BTG4: variants seen among roughly 807,000 people sequenced by gnomAD.
BTG4 encodes the protein protein BTG4.
In BTG4, 10 loss-of-function variants were observed where a neutral mutation model predicts 19.3. The observed-to-expected ratio is 0.52, with a 90% confidence interval of 0.32 to 0.88. The LOEUF is 0.88. Ranked by LOEUF, BTG4 falls within the 40% of genes least tolerant of loss-of-function variation. The probability of loss-of-function intolerance (pLI) is 0.04; values close to 1 mark genes in which losing one functional copy is unlikely to be tolerated. For missense variants in BTG4, 238 were observed against 281.9 expected (o/e 0.84, Z 1.11); for synonymous variants, 91 against 95.7 (o/e 0.95, Z 0.29).
the BTG4 span, chr11:111,456,512 C>T: frequency 4.4e-6 from 2 of 456,512 alleles, no homozygotes; most frequent in South Asian, 1.5e-5. The surrounding 1 kb of genome is among the most constrained non-coding windows in gnomAD (Gnocchi z 4.2). Flanking sequence ...TGCTTTCCTG[C>T]AGCCCCAGCA....
intron 1 of BTG4, among the ~76,000 whole-genome samples, chr11:111,501,239 CTG>C (rs1866058491): frequency 6.6e-6 from 1 of 152,112 alleles, no homozygotes; most frequent in Non-Finnish European, 1.5e-5. Context: ...TGGCATGTAC[CTG>C]TAGCCCTAGC....
chr11:111,456,799 G>C, the BTG4 span: 2 of 270,982 alleles, frequency 7.4e-6, no homozygotes, highest in South Asian at 7.5e-5. This position sits in a 1 kb window ranked among gnomAD's most constrained non-coding sequence, Gnocchi z 4.2. Flanking sequence ...GATGAGGCAG[G>C]GCTTGCTGGG....
At chr11:111,431,521 A>G in the BTG4 span, among the ~76,000 whole-genome samples, 3 of 152,260 alleles carry the variant, frequency 2.0e-5, no homozygotes, top group African/African-American at 7.2e-5. Context: ...AAACCTACTT[A>G]GGGAATAATA....
the BTG4 span, among the ~76,000 whole-genome samples, chr11:111,432,131 G>A: frequency 6.6e-6 from 1 of 152,178 alleles, no homozygotes; most frequent in Non-Finnish European, 1.5e-5. Flanking sequence ...CTTAATGTGT[G>A]TTCCTGGAGC....
chr11:111,467,891 T>A (rs1863815388), intron 5 of BTG4, among the ~76,000 whole-genome samples: 1 of 152,194 alleles, frequency 6.6e-6, no homozygotes, highest in Admixed American at 6.5e-5. Context: ...CTTTAATAGA[T>A]CTCTGTCATT....
the BTG4 span, chr11:111,455,786 G>A: frequency 8.8e-6 from 4 of 454,908 alleles, no homozygotes; most frequent in Admixed American, 9.4e-5. Flanking sequence ...ACGGTGCTGG[G>A]CCACCTGTCC....
intron 1 of BTG4, among the ~76,000 whole-genome samples, chr11:111,501,089 C>T (rs1866046573): frequency 6.6e-6 from 1 of 151,926 alleles, no homozygotes; most frequent in Admixed American, 6.6e-5. Context: ...TGTTCTTGAG[C>T]TGGGCAGATG....
intron 2 of BTG4, 92 bp from the exon 3 acceptor site, chr11:111,498,227 T>C: frequency 7.3e-7 from 1 of 1,372,452 alleles, no homozygotes; most frequent in Non-Finnish European, 1.0e-6. Flanking sequence ...TACACATAGC[T>C]CCCACCTCAT....
intron 5 of BTG4, chr11:111,470,048 T>G (rs1282835762): frequency 6.6e-6 from 1 of 152,618 alleles, no homozygotes; most frequent in Admixed American, 6.5e-5. Flanking sequence ...ACAGAGTAAA[T>G]GCCTCAGTGT....
chr11:111,500,068 G>C (rs1017018644), intron 1 of BTG4, among the ~76,000 whole-genome samples: 1 of 152,034 alleles, frequency 6.6e-6, no homozygotes, highest in African/African-American at 2.4e-5. Context: ...CTTGAACCCA[G>C]GAGGTGGAGG....
chr11:111,512,032 C>T (rs1436817673), intron 1 of BTG4, 149 bp downstream of exon 1: 3 of 152,276 alleles, frequency 2.0e-5, no homozygotes, highest in Admixed American at 2.0e-4. Flanking sequence ...CCAGGCTTCA[C>T]ATCACTGCAT....
chr11:111,511,945 G>A (rs1029083186), intron 1 of BTG4, among the ~76,000 whole-genome samples: 1 of 152,142 alleles, frequency 6.6e-6, no homozygotes, highest in African/African-American at 2.4e-5. Flanking sequence ...TGTCTTGAAT[G>A]GTATGGCCTT....
At chr11:111,484,145 G>A (rs1339180838) in intron 5 of BTG4, among the ~76,000 whole-genome samples, 3 of 151,970 alleles carry the variant, frequency 2.0e-5, no homozygotes, top group Non-Finnish European at 1.5e-5. Flanking sequence ...AAACATGAAG[G>A]AGAAATACTT....
chr11:111,459,681 C>T, the BTG4 span: 2 of 152,610 alleles, frequency 1.3e-5, no homozygotes, highest in Non-Finnish European at 2.9e-5. Context: ...AATGGAGATC[C>T]CAGATCCTGA....
At chr11:111,477,192 C>T (rs941899681) in intron 5 of BTG4, among the ~76,000 whole-genome samples, 11 of 152,130 alleles carry the variant, frequency 7.2e-5, no homozygotes, top group African/African-American at 2.7e-4. Context: ...TTTTAGTAAG[C>T]ACATGCTTTT....
chr11:111,491,501 A>C (rs1283388440), downstream of BTG4, among the ~76,000 whole-genome samples: 1 of 152,180 alleles, frequency 6.6e-6, no homozygotes, highest in Non-Finnish European at 1.5e-5. Context: ...TAATCCCTGC[A>C]CTTTGGGAAG....
intron 5 of BTG4, among the ~76,000 whole-genome samples, chr11:111,489,543 C>G (rs1010965757): frequency 6.6e-6 from 1 of 152,022 alleles, no homozygotes; most frequent in Non-Finnish European, 1.5e-5. Flanking sequence ...AAGTATCCAT[C>G]AACAGATGAA....
Position 111,506,069 on chromosome 11 carries a change from T to C in BTG4, c.-27+6112A>G, listed in dbSNP as rs1284397227. On this transcript the variant is annotated intron_variant, in intron 1 of 4. Transcript: ENST00000692032. ...ACCTCTATGGAAAACGGTATAGCGATATCTCAAATAACTAAAAATAGAACT... is the reference window on the plus strand; with the variant it reads ...ACCTCTATGGAAAACGGTATAGCGACATCTCAAATAACTAAAAATAGAACT... 5.3e-5 allele frequency among the ~76,000 whole-genome samples: 8 copies of C among 152,124 alleles called. No homozygotes were observed. The East Asian group carries it at 1.5e-3, about 29-fold the overall frequency.
chr11:111,488,703 G>C (rs1865213242), intron 5 of BTG4, among the ~76,000 whole-genome samples: 1 of 152,136 alleles, frequency 6.6e-6, no homozygotes, highest in Non-Finnish European at 1.5e-5. Context: ...CCATCTGACA[G>C]GTATTAACTG....
Sources: allele counts gnomAD v4.1 joint callset (sites outside exome capture counted in the v4.1 genomes callset), GRCh38; gene constraint gnomAD v4.1.1; non-coding constraint Gnocchi (gnomAD v3.1); transcripts MANE v1.5; gene names NCBI Gene and HGNC (gene_info 2026-07-23, HGNC 2026-07-21).